The following FCHO2 variants were observed in gnomAD, a reference collection of about 807,000 sequenced individuals.
The protein encoded by FCHO2 is FCH and mu domain containing endocytic adaptor 2, also known as F-BAR domain only protein 2.
Under a neutral mutation model 114.1 loss-of-function variants are expected in FCHO2, and 43 were observed. That is an observed-to-expected ratio of 0.38 (90% CI 0.30 to 0.49). The LOEUF is 0.49. FCHO2 is among the 20% of genes least tolerant of loss of function. The pLI, the probability that FCHO2 is intolerant of heterozygous loss-of-function variation, is 0.97. For synonymous variants in FCHO2, 293 were observed against 315.2 expected, an observed-to-expected ratio of 0.93 and a Z score of 0.75; for missense variants, 807 against 950.4, an observed-to-expected ratio of 0.85 and a Z score of 1.98.
intron 1 of FCHO2, among the ~76,000 whole-genome samples, chr5:72,959,187 A>C (rs1451736058): frequency 6.6e-6 from 1 of 152,216 alleles, no homozygotes; most frequent in Non-Finnish European, 1.5e-5. Context: ...GGAATTAACT[A>C]AATAATTAAC....
In FCHO2 at chr5:73,015,652, T is replaced by C. The variant is rs754130532; in HGVS notation, c.627T>C (p.His209=). 10 of 1,577,168 alleles carry C rather than the reference T, an allele frequency of 6.3e-6. No homozygotes were observed. The East Asian group carries it at 2.1e-4, about 33-fold the overall frequency. Residue 209 remains histidine, a synonymous_variant, in exon 7 of 26, where the codon CAT becomes CAC. Transcript: ENST00000430046. ...AQKFQDIEET[H]LIHIKEIIGS... ...AATTTCAAGATATTGAAGAAACTCA[T>C]CTCATTCACATAAAGGAAATTATAG...
chr5:73,000,329 A>G (rs1754366026), intron 5 of FCHO2, among the ~76,000 whole-genome samples: 1 of 151,948 alleles, frequency 6.6e-6, no homozygotes, highest in African/African-American at 2.4e-5. Flanking sequence ...AAATTAGCCG[A>G]GTATGGTGGT....
intron 8 of FCHO2, among the ~76,000 whole-genome samples, chr5:73,018,642 C>G (rs1755444231): frequency 6.6e-6 from 1 of 151,904 alleles, no homozygotes; most frequent in African/African-American, 2.4e-5. Context: ...AAGCTATAAC[C>G]TTAGGAACTT....
intron 11 of FCHO2, among the ~76,000 whole-genome samples, chr5:73,044,656 G>C (rs1442895970): frequency 6.6e-6 from 1 of 152,020 alleles, no homozygotes; most frequent in Admixed American, 6.5e-5. Context: ...CCAAGGAAGT[G>C]TAATTGCTCT....
At chr5:73,016,364 A>C (rs1278078641) in intron 7 of FCHO2, among the ~76,000 whole-genome samples, 3 of 144,376 alleles carry the variant, frequency 2.1e-5, no homozygotes, top group African/African-American at 7.6e-5. Flanking sequence ...AAAGATTTTA[A>C]ATTGTTTAAA....
At chr5:73,057,187 A>G (rs745753822) in intron 16 of FCHO2, among the ~76,000 whole-genome samples, 6 of 152,018 alleles carry the variant, frequency 3.9e-5, no homozygotes, top group Non-Finnish European at 7.4e-5. Flanking sequence ...GAGCCTCTCA[A>G]AGTACTGTGA....
chr5:73,058,450 T>TA lies in FCHO2; in HGVS notation c.1272dup (p.Leu425ThrfsTer12). On this transcript the variant is annotated frameshift_variant, in exon 17 of 26. Transcript: ENST00000430046. LOFTEE classifies it high-confidence loss of function. ...TATGGTAGAAAAGGAACCAGTGATT[T>TA]ACTTGCTTGGGACCCCCTATTTGGA... The TA allele has an allele frequency of 6.4e-7, 1 of 1,566,188 alleles. No homozygotes were observed. The highest frequency in any genetic ancestry group is 8.7e-7 in the Non-Finnish European group (1 of 1,154,648).
At chr5:73,081,676 T>C in intron 22 of FCHO2, 107 bp from the exon 23 acceptor site, 1 of 739,674 alleles carries the variant, frequency 1.4e-6, no homozygotes, top group Non-Finnish European at 2.0e-6. Flanking sequence ...GTCCCCTCAT[T>C]AGATATTTTT....
At chr5:72,975,873 TACTC>T (rs370295539) in intron 2 of FCHO2, among the ~76,000 whole-genome samples, 404 of 152,320 alleles carry the variant, frequency 2.7e-3, no homozygotes, top group Non-Finnish European at 4.1e-3. Context: ...TCCACTGACT[TACTC>T]AGGGACATCT....
intron 2 of FCHO2, among the ~76,000 whole-genome samples, chr5:72,970,886 T>C (rs1426044174): frequency 6.6e-6 from 1 of 152,156 alleles, no homozygotes; most frequent in African/African-American, 2.4e-5. Flanking sequence ...GAGTGTGATG[T>C]TCCCCTTCCT....
intron 11 of FCHO2, among the ~76,000 whole-genome samples, chr5:73,045,265 C>G (rs1035609991): frequency 6.6e-6 from 1 of 152,170 alleles, no homozygotes; most frequent in Non-Finnish European, 1.5e-5. Context: ...TTTCCTTACG[C>G]CTTCCTTAAC....
At chr5:73,050,490 T>G (rs1757293956) in intron 11 of FCHO2, among the ~76,000 whole-genome samples, 1 of 151,976 alleles carries the variant, frequency 6.6e-6, no homozygotes, top group Non-Finnish European at 1.5e-5. Context: ...AGCTAATTTT[T>G]GTATTTTTAG....
chr5:73,025,146 T>A (rs1046628525), intron 8 of FCHO2, among the ~76,000 whole-genome samples: 1 of 152,092 alleles, frequency 6.6e-6, no homozygotes, highest in Non-Finnish European at 1.5e-5. Flanking sequence ...GGGATAAATA[T>A]TATTTCCCTG....
At chr5:72,975,263 A>G (rs932583112) in intron 2 of FCHO2, among the ~76,000 whole-genome samples, 5 of 152,226 alleles carry the variant, frequency 3.3e-5, no homozygotes, top group African/African-American at 9.6e-5. Flanking sequence ...CAATAGGATA[A>G]TCATATTTCT....
At chr5:73,073,352 A>C (rs573629758) in intron 19 of FCHO2, among the ~76,000 whole-genome samples, 1 of 152,210 alleles carries the variant, frequency 6.6e-6, no homozygotes, top group South Asian at 2.1e-4. Context: ...AAGGTCTTTC[A>C]TACCCTAATC....
intron 5 of FCHO2, among the ~76,000 whole-genome samples, chr5:72,991,619 T>A (rs1184201503): frequency 6.6e-6 from 1 of 152,258 alleles, no homozygotes; most frequent in Admixed American, 6.5e-5. Flanking sequence ...CATTTATGTT[T>A]TAATGGAAAG....
chr5:73,014,894 C>T (rs568738180), intron 6 of FCHO2, among the ~76,000 whole-genome samples: 3 of 151,626 alleles, frequency 2.0e-5, no homozygotes, highest in African/African-American at 4.8e-5. Flanking sequence ...CTGGCTAACA[C>T]GGTGAAACCC....
chr5:73,062,055 T>C (rs767554223), intron 17 of FCHO2, among the ~76,000 whole-genome samples: 67 of 152,074 alleles, frequency 4.4e-4, no homozygotes, highest in Non-Finnish European at 6.8e-4. Flanking sequence ...CCTTATCGCC[T>C]ATGTTTTTTT....
rs1028608116 is a variant in FCHO2, at chr5:73,051,092, G to A, written c.940-257G>A. On this transcript the variant is annotated intron_variant, in intron 11 of 25. Transcript: ENST00000430046. ...TTGGTCCCCACCTCAGTGATTTCTT[G>A]CCCTGAAATTATGAGTTGTGTTTCT... The A allele has an allele frequency of 8.5e-6, 3 of 352,862 alleles. No homozygotes were observed. The Admixed American group carries it at 1.5e-4, about 18-fold the overall frequency. 21.9% of individuals were successfully genotyped at this position (352,862 alleles called of 1,614,324 possible).
Sources: gnomAD v4.1 joint callset for allele counts (sites outside exome capture counted in the v4.1 genomes callset) on GRCh38, gnomAD v4.1.1 for gene constraint, MANE v1.5 for transcripts, NCBI Gene and HGNC (gene_info 2026-07-23, HGNC 2026-07-21) for gene names.